Variants in RBM17 observed in about 807,000 individuals in gnomAD.
RBM17 encodes splicing factor 45.
In RBM17, 7 loss-of-function variants were observed where a neutral mutation model predicts 53.2. The ratio of observed to expected loss-of-function variants is 0.13; its 90% CI spans 0.07 to 0.25. The LOEUF is 0.25. RBM17 is among the 10% of genes least tolerant of loss of function. The pLI is 1.00. For missense variants in RBM17, 257 were observed against 496.7 expected (o/e 0.52, Z 4.59); for synonymous variants, 167 against 178.1 (o/e 0.94, Z 0.50).
chr10:6,099,870 CA>C (rs1390270393), intron 2 of RBM17, among the ~76,000 whole-genome samples: 3 of 151,996 alleles, frequency 2.0e-5, no homozygotes, highest in African/African-American at 7.3e-5. Flanking sequence ...CCAGCCTGAC[CA>C]ACATGGTGAA....
intron 2 of RBM17, among the ~76,000 whole-genome samples, chr10:6,098,563 GTTTTTTTTTTTTTTTTT>G (rs398012715): frequency 4.3e-5 from 2 of 46,642 alleles, no homozygotes; most frequent in Admixed American, 5.3e-4. Context: ...CAGGTTTTTT[GTTTTTTTTTTTTTTTTT>G]TTTTTTTTTT....
At chr10:6,094,118 G>T (rs1840532325) in intron 1 of RBM17, among the ~76,000 whole-genome samples, 1 of 151,918 alleles carries the variant, frequency 6.6e-6, no homozygotes, top group Non-Finnish European at 1.5e-5. Context: ...GGGACTACAG[G>T]TGCCCGCCAC....
intron 10 of RBM17, 159 bp from the exon 11 acceptor site, chr10:6,115,080 G>A (rs1840894995): frequency 1.1e-5 from 7 of 642,416 alleles, no homozygotes; most frequent in Non-Finnish European, 1.6e-5. Flanking sequence ...GTACGTTTTT[G>A]ATGATGAACA....
intron 3 of RBM17, among the ~76,000 whole-genome samples, chr10:6,103,273 C>T (rs76515873): frequency 6.6e-6 from 1 of 152,154 alleles, no homozygotes; most frequent in South Asian, 2.1e-4. Context: ...ATCCTCCCCC[C>T]TCAGCATTGA....
intron 2 of RBM17, among the ~76,000 whole-genome samples, chr10:6,100,669 CAA>C (rs5782871): frequency 6.6e-6 from 1 of 151,698 alleles, no homozygotes; most frequent in African/African-American, 2.4e-5. Flanking sequence ...GATCCTGGTT[CAA>C]AAAAAAAATC....
chr10:6,112,333 G>A lies in RBM17; in HGVS notation c.828G>A (p.Lys276=), dbSNP rs778747218. Residue 276 remains lysine, a synonymous_variant, in exon 8 of 12, where the codon AAG becomes AAA. Coordinates refer to ENST00000379888, the MANE Select transcript of RBM17 (RefSeq NM_032905.5). The surrounding 1 kb of genome is among the most constrained non-coding windows in gnomAD (Gnocchi z 4.4). Reference sequence around the variant, plus strand: ...AGAAGACCAGCAAGCGTGGCGGCAAGATCATCGTGGGCGACGCCACAGAGA... The same window carrying A: ...AGAAGACCAGCAAGCGTGGCGGCAAAATCATCGTGGGCGACGCCACAGAGA... ...SVEKTSKRGG[K]IIVGDATEKD... The A allele has an allele frequency of 3.1e-6, 5 of 1,614,050 alleles. No homozygotes were observed. The highest frequency in any genetic ancestry group is 2.5e-6 in the Non-Finnish European group (3 of 1,180,024).
At chr10:6,103,301 T>C (rs1354640287) in intron 3 of RBM17, among the ~76,000 whole-genome samples, 1 of 152,204 alleles carries the variant, frequency 6.6e-6, no homozygotes, top group Non-Finnish European at 1.5e-5. Context: ...AACATTTTAA[T>C]TTTTTTAAAT....
intron 2 of RBM17, among the ~76,000 whole-genome samples, chr10:6,099,771 A>G (rs1483245422): frequency 1.3e-5 from 2 of 152,292 alleles, no homozygotes; most frequent in South Asian, 4.1e-4. Flanking sequence ...AAAATATGTG[A>G]TTCTGGCTGG....
intron 7 of RBM17, among the ~76,000 whole-genome samples, chr10:6,111,276 T>TA (rs1486967908): frequency 9.2e-5 from 14 of 152,220 alleles, no homozygotes; most frequent in African/African-American, 3.4e-4. Context: ...ATTTGGTTGT[T>TA]ACAGAAAGCA....
At chr10:6,101,448 CAT>C in intron 3 of RBM17, 61 bp downstream of exon 3, 1 of 1,051,036 alleles carries the variant, frequency 9.5e-7, no homozygotes, top group Non-Finnish European at 1.4e-6. Flanking sequence ...GCTTATTTTG[CAT>C]ATGAGTTACT....
intron 6 of RBM17, among the ~76,000 whole-genome samples, 183 bp from the exon 7 acceptor site, chr10:6,109,803 G>A (rs1437368250): frequency 1.3e-5 from 2 of 152,108 alleles, no homozygotes; most frequent in African/African-American, 2.4e-5. Flanking sequence ...GGAAAGTAGC[G>A]TCCTCCCTCT....
At chr10:6,097,857 A>C (rs1840598992) in intron 2 of RBM17, among the ~76,000 whole-genome samples, 1 of 152,210 alleles carries the variant, frequency 6.6e-6, no homozygotes, top group East Asian at 1.9e-4. Context: ...GGAATTTTTA[A>C]GTAGCATTCC....
rs1001946154 is a variant in RBM17 at position 6,096,617 on chromosome 10, C to T, written c.-18-431C>T. On this transcript the variant is annotated intron_variant, in intron 1 of 11. Transcript: ENST00000379888. Reference sequence around the variant, plus strand: ...TCTGTCATTTTTTTCCCTAGGAGTACGTTTAAATTTTTTCTTTATAAAAGG... The same window carrying T: ...TCTGTCATTTTTTTCCCTAGGAGTATGTTTAAATTTTTTCTTTATAAAAGG... Among the ~76,000 whole-genome samples, 30 of 152,094 alleles carry T rather than the reference C, an allele frequency of 2.0e-4. 1 individual carries two copies. Among genetic ancestry groups the T allele is most frequent in the African/African-American group, 7.0e-4 (29 of 41,480 alleles).
intron 10 of RBM17, chr10:6,114,605 C>T (rs966506286): frequency 3.1e-5 from 5 of 159,074 alleles, no homozygotes; most frequent in African/African-American, 9.7e-5. Flanking sequence ...GTAGTATTGA[C>T]TAAGTTCAGG....
chr10:6,110,014 C>G lies in RBM17; in HGVS notation c.591C>G (p.Asp197Glu). 1 of 1,612,314 alleles carries G rather than the reference C, an allele frequency of 6.2e-7. No homozygotes were observed. The highest frequency in any genetic ancestry group is 8.5e-7 in the Non-Finnish European group (1 of 1,178,950). ...CCCGAGATTTTCCTTATGAAGAGGACTCAAGACCTCGATCACAGTCTTCCA... is the reference window on the plus strand; with the variant it reads ...CCCGAGATTTTCCTTATGAAGAGGAGTCAAGACCTCGATCACAGTCTTCCA... ...ELPRDFPYEE[D>E]SRPRSQSSKA... Residue 197 changes from aspartate (D) to glutamate (E), a missense_variant, in exon 7 of 12, where the codon GAC becomes GAG. Coordinates refer to ENST00000379888, the MANE Select transcript of RBM17 (RefSeq NM_032905.5).
Position 6,101,263 on chromosome 10 carries a change from G to T in RBM17, c.124-8G>T. 1 of 1,556,134 alleles carries T rather than the reference G, an allele frequency of 6.4e-7. No homozygotes were observed. Among genetic ancestry groups the T allele is most frequent in the Non-Finnish European group, 8.7e-7 (1 of 1,148,628 alleles). On this transcript the variant is annotated splice_region_variant and splice_polypyrimidine_tract_variant and intron_variant, in intron 2 of 11. Coordinates refer to ENST00000379888, the MANE Select transcript of RBM17 (RefSeq NM_032905.5). Reference sequence around the variant, plus strand: ...TCAGTATGTTTTCCTTGTTTTTGATGATTTTAGAGCCAAAGGACGAAACAA... The same window carrying T: ...TCAGTATGTTTTCCTTGTTTTTGATTATTTTAGAGCCAAAGGACGAAACAA...
intron 5 of RBM17, chr10:6,108,444 C>G: frequency 2.0e-6 from 1 of 489,672 alleles, no homozygotes; most frequent in Non-Finnish European, 3.6e-6. Flanking sequence ...CATTGTGGGG[C>G]TCTTGAGTTC....
intron 2 of RBM17, 148 bp downstream of exon 2, chr10:6,097,336 T>C: frequency 1.3e-6 from 1 of 762,450 alleles, no homozygotes; most frequent in Non-Finnish European, 2.1e-6. Flanking sequence ...ATGAGGAGTT[T>C]AAGGCCACTT....
chr10:6,090,171 A>G (rs1008023139), intron 1 of RBM17, among the ~76,000 whole-genome samples: 4 of 152,166 alleles, frequency 2.6e-5, no homozygotes, highest in Non-Finnish European at 4.4e-5. Context: ...AAGAAGCGCC[A>G]TTGAGGGTCC....
Sources: gnomAD v4.1 joint callset for allele counts (sites outside exome capture counted in the v4.1 genomes callset) on GRCh38, gnomAD v4.1.1 for gene constraint, Gnocchi (gnomAD v3.1) non-coding constraint, MANE v1.5 for transcripts, NCBI Gene and HGNC (gene_info 2026-07-23, HGNC 2026-07-21) for gene names.